The following ESRRG variants were observed in gnomAD, a reference collection of about 807,000 sequenced individuals.
ESRRG encodes estrogen-related receptor gamma.
In ESRRG, 13 loss-of-function variants were observed where a neutral mutation model predicts 44.0. The ratio of observed to expected loss-of-function variants is 0.30; its 90% CI spans 0.19 to 0.47. The LOEUF is 0.47. Ranked by LOEUF, ESRRG falls within the 20% of genes least tolerant of loss-of-function variation. The probability of loss-of-function intolerance (pLI) is 1.00; values close to 1 mark genes in which losing one functional copy is unlikely to be tolerated. For synonymous variants in ESRRG, 215 were observed against 214.6 expected, an observed-to-expected ratio of 1.00 and a Z score of -0.02; for missense variants, 395 against 580.6, an observed-to-expected ratio of 0.68 and a Z score of 3.29.
intron 2 of ESRRG, among the ~76,000 whole-genome samples, chr1:216,740,127 A>G (rs2090483438): frequency 6.6e-6 from 1 of 152,212 alleles, no homozygotes; most frequent in African/African-American, 2.4e-5. Flanking sequence ...CTACAGTCCT[A>G]TCTCTAAATT....
rs530188655 is a variant in ESRRG, at chr1:217,016,814, G to A, written c.-106+72693C>T. 7.9e-3 allele frequency among the ~76,000 whole-genome samples: 1,204 copies of A among 152,256 alleles called. 16 individuals are homozygous for A. Among genetic ancestry groups the A allele is most frequent in the African/African-American group, 0.027 (1,105 of 41,528 alleles). The stretch of plus-strand genomic sequence containing the variant: ...ACATTAAATTATTAATCTGGAGTAA[G>A]CAATGAGTATTTATGTAATTCACTT... On this transcript the variant is annotated intron_variant, in intron 1 of 7. Transcript: ENST00000359162.
At chr1:217,074,762 G>T (rs1003145553) in intron 1 of ESRRG, among the ~76,000 whole-genome samples, 15 of 152,068 alleles carry the variant, frequency 9.9e-5, no homozygotes, top group African/African-American at 3.4e-4. Context: ...AACAGAGAAA[G>T]ACCCCATCTC....
chr1:216,677,466 CTTTG>C lies in ESRRG; in HGVS notation c.78_81del (p.Asn26LysfsTer23), dbSNP rs1319340975. 1.2e-6 allele frequency: 2 copies of C among 1,610,828 alleles called. No homozygotes were observed. Among genetic ancestry groups the C allele is most frequent in the East Asian group, 2.2e-5 (1 of 44,800 alleles). ...GAACAGCTGGAATCAATGTGTCGAT[CTTTG>C]TTTGACATTCTGCAGAGAAGCCTGA... On this transcript the variant is annotated frameshift_variant, in exon 2 of 7. Transcript: ENST00000408911. LOFTEE classifies it high-confidence loss of function.
chr1:216,802,886 T>TAAAAGGAA (rs1352940445), intron 2 of ESRRG, among the ~76,000 whole-genome samples: 3 of 152,154 alleles, frequency 2.0e-5, no homozygotes, highest in Admixed American at 2.0e-4. Flanking sequence ...AAAGCAATAC[T>TAAAAGGAA]AAAAGGAAAA....
At chr1:216,655,905 C>T (rs2070387028) in intron 2 of ESRRG, among the ~76,000 whole-genome samples, 1 of 152,106 alleles carries the variant, frequency 6.6e-6, no homozygotes, top group Non-Finnish European at 1.5e-5. Flanking sequence ...AAAAACCTTC[C>T]CTGGTGCTTT....
intron 3 of ESRRG, among the ~76,000 whole-genome samples, chr1:216,634,170 A>G (rs1292595996): frequency 6.6e-6 from 1 of 152,158 alleles, no homozygotes; most frequent in Admixed American, 6.5e-5. Flanking sequence ...TGCTTCAGGT[A>G]TCAGTGACAG....
rs145619773 is a variant in ESRRG, at chr1:216,593,446, T to C, written c.590-25348A>G. ...ACCCTGACATTGGGCCTTCCCCATA[T>C]CCCAACCCCATCTGTTTTAAGTGGA... is the stretch of plus-strand genomic sequence containing the variant. On this transcript the variant is annotated intron_variant, in intron 3 of 6. Transcript: ENST00000408911. 8.2e-4 allele frequency among the ~76,000 whole-genome samples: 125 copies of C among 152,316 alleles called. 1 individual carries two copies. The highest frequency in any genetic ancestry group is 2.8e-3 in the African/African-American group (115 of 41,582).
chr1:217,017,697 T>C (rs1034204729), intron 1 of ESRRG, among the ~76,000 whole-genome samples: 1 of 152,092 alleles, frequency 6.6e-6, no homozygotes, highest in African/African-American at 2.4e-5. Context: ...GAATAATATC[T>C]ACGCCATAGG....
intron 3 of ESRRG, among the ~76,000 whole-genome samples, chr1:216,602,715 A>C (rs996791831): frequency 1.3e-5 from 2 of 152,248 alleles, no homozygotes; most frequent in Admixed American, 6.5e-5. Context: ...CTATGTTTTC[A>C]AAATAATGAT....
chr1:216,520,956 G>A (rs545733935), intron 5 of ESRRG, among the ~76,000 whole-genome samples: 4 of 152,232 alleles, frequency 2.6e-5, no homozygotes, highest in African/African-American at 9.6e-5. Context: ...AGGATTTCCT[G>A]ACCTATTGGT....
intron 1 of ESRRG, among the ~76,000 whole-genome samples, chr1:217,070,137 C>T (rs2090370172): frequency 6.6e-6 from 1 of 152,108 alleles, no homozygotes; most frequent in South Asian, 2.1e-4. Context: ...GAGAATGACT[C>T]TCATTTTGGC....
rs190200293 is a variant in ESRRG at position 217,047,931 on chromosome 1, C to T, written c.-106+41576G>A. ...AGAAGTAGCCCACATTTCCAGACCA[C>T]GGTATCGGGGAAGAAGAAGAAGATG... On this transcript the variant is annotated intron_variant, in intron 1 of 7. Coordinates refer to the ESRRG transcript ENST00000359162. 1.6e-3 allele frequency among the ~76,000 whole-genome samples: 250 copies of T among 152,298 alleles called. 2 individuals carry two copies. The highest frequency in any genetic ancestry group is 5.8e-3 in the African/African-American group (239 of 41,562).
At chr1:217,053,187 G>A (rs2086409066) in intron 1 of ESRRG, among the ~76,000 whole-genome samples, 1 of 148,232 alleles carries the variant, frequency 6.7e-6, no homozygotes, top group African/African-American at 2.5e-5. Context: ...GGGCAGGGTG[G>A]CTCATGCCTG....
chr1:216,859,466 A>T (rs149952085), intron 2 of ESRRG, among the ~76,000 whole-genome samples: 199 of 152,346 alleles, frequency 1.3e-3, no homozygotes, highest in Middle Eastern at 0.01. Flanking sequence ...AGATTTGCAG[A>T]TAGTCCTTTT....
intron 1 of ESRRG, among the ~76,000 whole-genome samples, chr1:216,713,630 G>A (rs1004450719): frequency 1.6e-4 from 24 of 152,134 alleles, no homozygotes; most frequent in Admixed American, 5.2e-4. Context: ...CAGCAGAGAC[G>A]CACCTGCTTA....
intron 4 of ESRRG, among the ~76,000 whole-genome samples, chr1:216,565,887 A>G (rs977476709): frequency 2.0e-5 from 3 of 152,166 alleles, no homozygotes; most frequent in African/African-American, 7.2e-5. Context: ...TGACAATGCA[A>G]CAAAACCTGT....
At chr1:217,021,541 G>C (rs1228660126) in intron 1 of ESRRG, among the ~76,000 whole-genome samples, 2 of 152,176 alleles carry the variant, frequency 1.3e-5, no homozygotes, top group Non-Finnish European at 2.9e-5. Context: ...AAGGGCTTCA[G>C]GTCTAGGGTA....
chr1:217,101,392 T>C (rs2092510162), intron 1 of ESRRG, among the ~76,000 whole-genome samples: 1 of 152,228 alleles, frequency 6.6e-6, no homozygotes, highest in African/African-American at 2.4e-5. Flanking sequence ...TTTCAACTAA[T>C]ATCAGTTATT....
At chr1:216,877,711 C>T (rs1028791425) in intron 2 of ESRRG, among the ~76,000 whole-genome samples, 12 of 151,960 alleles carry the variant, frequency 7.9e-5, no homozygotes, top group Non-Finnish European at 1.2e-4. Context: ...GGCAGATCAC[C>T]GCGCCCGGCC....
Sources: allele counts gnomAD v4.1 joint callset (sites outside exome capture counted in the v4.1 genomes callset), GRCh38; gene constraint gnomAD v4.1.1; transcripts MANE v1.5; gene names NCBI Gene and HGNC (gene_info 2026-07-23, HGNC 2026-07-21).